The following DACH1 variants were observed in gnomAD, a reference collection of about 807,000 sequenced individuals.
DACH1 encodes the protein dachshund family transcription factor 1.
Under a neutral mutation model 54.2 loss-of-function variants are expected in DACH1, and 12 were observed. That is an observed-to-expected ratio of 0.22 (90% CI 0.14 to 0.36). The LOEUF is 0.36. Among genes scored for constraint, DACH1 ranks in the 10% least tolerant of loss-of-function variants. The probability of loss-of-function intolerance (pLI) is 1.00; values close to 1 mark genes in which losing one functional copy is unlikely to be tolerated. For synonymous variants in DACH1, 386 were observed against 366.2 expected (o/e 1.05, Z -0.62); for missense variants, 805 against 929.8 (o/e 0.87, Z 1.75).
chr13:71,543,758 T>A (rs530875804), intron 6 of DACH1, among the ~76,000 whole-genome samples: 1 of 152,296 alleles, frequency 6.6e-6, no homozygotes, highest in African/African-American at 2.4e-5. Context: ...TTGATTACAA[T>A]ACTTAATTTA....
rs1197140096 is a variant in DACH1, at chr13:71,866,550, C to CGCCGCG, written c.219_220insCGCGGC (p.Thr73_Gly74insArgGly). 8.0e-7 allele frequency: 1 copy of CGCCGCG among 1,253,110 alleles called. No individual in the cohort carries two copies. Among genetic ancestry groups the CGCCGCG allele is most frequent in the Non-Finnish European group, 1.0e-6 (1 of 996,050 alleles). The allele number at this position is 1,253,110 out of a possible 1,614,324, so 77.6% of individuals were successfully genotyped here. ...CTGCCGCCGCCGCCGCCGCCGCCGC[C>CGCCGCG]GGTAGAGGTGACTGTGGCCGCCGCC... is the stretch of plus-strand genomic sequence containing the variant. On this transcript the variant is annotated inframe_insertion, in exon 1 of 11. Transcript: ENST00000613252.
chr13:71,822,782 T>C (rs1278022384), intron 1 of DACH1, among the ~76,000 whole-genome samples: 1 of 152,092 alleles, frequency 6.6e-6, no homozygotes, highest in Non-Finnish European at 1.5e-5. Flanking sequence ...GGACCTTATA[T>C]GATACCAAAG....
At chr13:71,456,454 T>C (rs1875571289) in intron 10 of DACH1, among the ~76,000 whole-genome samples, 2 of 152,066 alleles carry the variant, frequency 1.3e-5, no homozygotes, top group East Asian at 1.9e-4. Context: ...TATGTCACCA[T>C]GTAGATCATT....
At chr13:71,757,782 C>T (rs1885231463) in intron 1 of DACH1, among the ~76,000 whole-genome samples, 1 of 152,052 alleles carries the variant, frequency 6.6e-6, no homozygotes, top group Non-Finnish European at 1.5e-5. Context: ...CTCGGCCTCC[C>T]AACGTGCTGG....
chr13:71,630,603 T>C lies in DACH1; in HGVS notation c.1079A>G (p.Asn360Ser), dbSNP rs1422768309. 5.0e-6 allele frequency: 8 copies of C among 1,609,578 alleles called. No homozygotes were observed. The highest frequency in any genetic ancestry group is 5.9e-6 in the Non-Finnish European group (7 of 1,178,822). ...GTTTTCAGAGTCTGCTCCATGTTGGTTATTACTGGCATGATAGTTGCTCAT... is the reference window on the plus strand; with the variant it reads ...GTTTTCAGAGTCTGCTCCATGTTGGCTATTACTGGCATGATAGTTGCTCAT... Reference protein sequence around the residue: ...EAMSNYHASNNQHGADSENGD... With the variant: ...EAMSNYHASNSQHGADSENGD... Residue 360 changes from asparagine to serine, a missense_variant, in exon 3 of 11, where the codon AAC (asparagine) becomes AGC (serine). By Grantham distance (46) the Asn-to-Ser change is conservative. This residue lies in a region of DACH1 where 472 missense variants were observed against 545.3 expected (regional missense o/e 0.87). Transcript: ENST00000613252.
chr13:71,842,936 TA>T (rs1224271087), intron 1 of DACH1, among the ~76,000 whole-genome samples: 1 of 152,216 alleles, frequency 6.6e-6, no homozygotes, highest in Non-Finnish European at 1.5e-5. Flanking sequence ...ATGATTTGTT[TA>T]AAGAGAATCT....
chr13:71,844,544 T>C (rs1389002079), intron 1 of DACH1, among the ~76,000 whole-genome samples: 1 of 152,226 alleles, frequency 6.6e-6, no homozygotes, highest in Non-Finnish European at 1.5e-5. Context: ...ATACTTTTTT[T>C]GTTTTTGATT....
chr13:71,480,410 C>T (rs771622359), intron 7 of DACH1, among the ~76,000 whole-genome samples: 13 of 152,228 alleles, frequency 8.5e-5, no homozygotes, highest in Middle Eastern at 3.4e-3. Context: ...TTTTGACATA[C>T]TGTATGCTTT....
chr13:71,576,589 T>C (rs1364954930), intron 3 of DACH1, among the ~76,000 whole-genome samples: 2 of 152,116 alleles, frequency 1.3e-5, no homozygotes, highest in East Asian at 1.9e-4. Flanking sequence ...GTGAAAGCCA[T>C]CTCTACTCTA....
chr13:71,681,331 T>G (rs1442691306), intron 2 of DACH1, among the ~76,000 whole-genome samples: 1 of 152,204 alleles, frequency 6.6e-6, no homozygotes, highest in Non-Finnish European at 1.5e-5. Context: ...CGTATTAGTT[T>G]GTGAAAAATT....
intron 1 of DACH1, among the ~76,000 whole-genome samples, chr13:71,755,108 T>C (rs1885089651): frequency 6.6e-6 from 1 of 152,192 alleles, no homozygotes; most frequent in Non-Finnish European, 1.5e-5. Flanking sequence ...ACACTCCACT[T>C]GGCTAATACT....
intron 10 of DACH1, among the ~76,000 whole-genome samples, chr13:71,456,905 C>T (rs1308590671): frequency 1.3e-5 from 2 of 151,992 alleles, no homozygotes; most frequent in Non-Finnish European, 2.9e-5. Flanking sequence ...CTAAACGTTG[C>T]AGCCCTAGAC....
intron 1 of DACH1, among the ~76,000 whole-genome samples, chr13:71,812,613 T>A (rs1427628964): frequency 6.6e-6 from 1 of 150,546 alleles, no homozygotes; most frequent in Non-Finnish European, 1.5e-5. Context: ...AAATTAACAG[T>A]TCCCTAAAGT....
At position 71,741,520 on chromosome 13, in the gene DACH1, T is replaced by C. The variant is rs552927610; in HGVS notation, c.849-59610A>G. ...CAATCCACTTCTTTATTTTATTTAG[T>C]ATTGTATTTTTATTTTTCTGTTGAA... On this transcript the variant is annotated intron_variant, in intron 1 of 10. Transcript: ENST00000613252. 4.1e-4 allele frequency among the ~76,000 whole-genome samples: 63 copies of C among 152,284 alleles called. 1 individual carries two copies. The East Asian group carries it at 8.7e-3, about 21-fold the overall frequency.
At chr13:71,720,124 G>T (rs1883160620) in intron 1 of DACH1, among the ~76,000 whole-genome samples, 1 of 152,152 alleles carries the variant, frequency 6.6e-6, no homozygotes, top group South Asian at 2.1e-4. Context: ...AGCAGCTATG[G>T]ATGGGTGAAG....
intron 2 of DACH1, among the ~76,000 whole-genome samples, chr13:71,666,864 C>T (rs1184013478): frequency 6.6e-6 from 1 of 152,022 alleles, no homozygotes; most frequent in Admixed American, 6.6e-5. Context: ...TGCCTGTAAT[C>T]TCAGCTACTT....
chr13:71,483,724 C>T (rs183259422), intron 7 of DACH1, among the ~76,000 whole-genome samples: 169 of 151,640 alleles, frequency 1.1e-3, no homozygotes, highest in Non-Finnish European at 7.8e-4. Context: ...CTTTTTGGTC[C>T]GCAAGCATAT....
chr13:71,528,855 G>A (rs1882200784), intron 6 of DACH1, among the ~76,000 whole-genome samples: 1 of 151,914 alleles, frequency 6.6e-6, no homozygotes, highest in Non-Finnish European at 1.5e-5. Context: ...CACACTAAAT[G>A]TTCTATAAAA....
At chr13:71,815,519 A>C (rs1392626506) in intron 1 of DACH1, among the ~76,000 whole-genome samples, 1 of 152,344 alleles carries the variant, frequency 6.6e-6, no homozygotes, top group Non-Finnish European at 1.5e-5. Flanking sequence ...AAGAAAGACA[A>C]CTGGGCATTT....
Sources: gnomAD v4.1 joint callset for allele counts (sites outside exome capture counted in the v4.1 genomes callset) on GRCh38, gnomAD v4.1.1 for gene constraint, gnomAD v4.1.1 regional missense constraint, MANE v1.5 for transcripts, NCBI Gene and HGNC (gene_info 2026-07-23, HGNC 2026-07-21) for gene names.